The following SHLD2 variants were observed in gnomAD, a reference collection of about 807,000 sequenced individuals.
SHLD2 encodes the protein shieldin complex subunit 2, also known as RINN1-REV7-interacting novel NHEJ regulator 2.
Under a neutral mutation model 73.2 loss-of-function variants are expected in SHLD2, and 30 were observed. The ratio of observed to expected loss-of-function variants is 0.41; its 90% CI spans 0.31 to 0.56. SHLD2 has a LOEUF of 0.56. SHLD2 is among the 20% of genes least tolerant of loss of function. SHLD2 has a pLI of 0.28. For synonymous variants in SHLD2, 285 were observed against 370.1 expected, an observed-to-expected ratio of 0.77 and a Z score of 2.64; for missense variants, 745 against 1,055.9, an observed-to-expected ratio of 0.71 and a Z score of 4.08.
At position 87,120,851 on chromosome 10, in the gene SHLD2, C is replaced by T. The variant is rs1419308027; in HGVS notation, c.-6+23862C>T. Among the ~76,000 whole-genome samples, 4 of 151,896 alleles carry T rather than the reference C, an allele frequency of 2.6e-5. 1 individual carries two copies. Among genetic ancestry groups the T allele is most frequent in the East Asian group, 2.0e-4 (1 of 5,006 alleles). On this transcript the variant is annotated intron_variant, in intron 2 of 9. Coordinates refer to ENST00000298786, the MANE Select transcript of SHLD2 (RefSeq NM_001330112.2). ...GGCGGATCACCTGAGGTCAGGAGTTCGAGACCAGCCTCAATATGGAGAAAC... is the reference window on the plus strand; with the variant it reads ...GGCGGATCACCTGAGGTCAGGAGTTTGAGACCAGCCTCAATATGGAGAAAC...
rs560825234 is a variant in SHLD2 at position 87,102,993 on chromosome 10, C to T, written c.-6+6004C>T. On this transcript the variant is annotated intron_variant, in intron 2 of 9. Transcript: ENST00000298786. ...TTGGGAGGCTGAGGTGGGCGGATCA[C>T]GAGGTCAAGAGATCAAGACCATTCT... Among the ~76,000 whole-genome samples the T allele has an allele frequency of 3.3e-5, 5 of 152,018 alleles. No individual in the cohort carries two copies. In the East Asian group the frequency reaches 5.8e-4, roughly 18 times the overall value.
chr10:87,153,437 C>G (rs996087673), intron 3 of SHLD2, among the ~76,000 whole-genome samples: 2 of 152,094 alleles, frequency 1.3e-5, no homozygotes, highest in African/African-American at 4.8e-5. Context: ...ATGCTGTGCA[C>G]ATTGTATTTT....
intron 2 of SHLD2, among the ~76,000 whole-genome samples, chr10:87,136,156 T>G (rs900991181): frequency 2.6e-5 from 4 of 152,060 alleles, no homozygotes; most frequent in African/African-American, 9.7e-5. Flanking sequence ...GTTAAAATCT[T>G]ATTATTGCTT....
At chr10:87,153,757 T>C (rs1475752050) in intron 3 of SHLD2, among the ~76,000 whole-genome samples, 1 of 152,162 alleles carries the variant, frequency 6.6e-6, no homozygotes, top group Non-Finnish European at 1.5e-5. Context: ...TACTTTTCAG[T>C]TGAGGAAGCT....
chr10:87,154,186 T>A (rs1846214330), intron 3 of SHLD2: 1 of 151,442 alleles, frequency 6.6e-6, no homozygotes, highest in Admixed American at 6.6e-5. Context: ...GTTTCCAACC[T>A]GGACCAGTTC....
At chr10:87,101,572 TCTTAA>T (rs936622685) in intron 2 of SHLD2, among the ~76,000 whole-genome samples, 2 of 152,194 alleles carry the variant, frequency 1.3e-5, no homozygotes, top group Non-Finnish European at 2.9e-5. Context: ...AGAATGGTTT[TCTTAA>T]CTTCATTTTT....
intron 7 of SHLD2, among the ~76,000 whole-genome samples, chr10:87,177,852 C>G (rs1342431612): frequency 6.6e-6 from 1 of 152,200 alleles, no homozygotes; most frequent in Admixed American, 6.5e-5. Flanking sequence ...AGTCCACATT[C>G]AGCATGACCT....
intron 2 of SHLD2, among the ~76,000 whole-genome samples, chr10:87,117,680 A>G (rs1589459844): frequency 6.6e-6 from 1 of 152,196 alleles, no homozygotes; most frequent in East Asian, 1.9e-4. Context: ...CTGTAGTCCC[A>G]GCTACTTGAG....
intron 2 of SHLD2, among the ~76,000 whole-genome samples, chr10:87,147,082 A>AC (rs1238585207): frequency 2.0e-5 from 3 of 147,852 alleles, no homozygotes; most frequent in Admixed American, 6.8e-5. Flanking sequence ...GAAAAAAAAA[A>AC]AAAAAACAAA....
In SHLD2 at chr10:87,176,086, A is replaced by G. The variant is rs1006007619; in HGVS notation, c.2161A>G (p.Lys721Glu). ...ISDLATHLED[K>E]CSGVVLIKAQ... is the part of the protein sequence containing the mutation. ...AGACTTAGCAACCCACCTAGAGGAT[A>G]AGTGTTCAGGTAAGATCTTTATATA... The change falls in exon 7 of 10, where the codon AAG becomes GAG. Residue 721 changes from lysine to glutamate, a missense_variant. This residue lies in a region of SHLD2 where 418 missense variants were observed against 567.8 expected (regional missense o/e 0.74). Transcript: ENST00000298786. The G allele has an allele frequency of 1.1e-4, 170 of 1,548,210 alleles. No individual in the cohort carries two copies. The highest frequency in any genetic ancestry group is 1.4e-4 in the Non-Finnish European group (166 of 1,146,792).
chr10:87,108,543 G>T (rs959649710), intron 2 of SHLD2, among the ~76,000 whole-genome samples: 46 of 152,130 alleles, frequency 3.0e-4, no homozygotes, highest in African/African-American at 1.1e-3. Flanking sequence ...GGGCTGAAGT[G>T]ACTCTCCCAC....
intron 2 of SHLD2, among the ~76,000 whole-genome samples, chr10:87,117,955 C>G (rs1843355694): frequency 6.6e-6 from 1 of 152,186 alleles, no homozygotes; most frequent in South Asian, 2.1e-4. Context: ...AAACTGCAAA[C>G]TCTATCCCAT....
At position 87,152,282 on chromosome 10, in the gene SHLD2, C is replaced by G. The variant is rs1312102935; in HGVS notation, c.928C>G (p.Leu310Val). The G allele has an allele frequency of 6.6e-7, 1 of 1,522,532 alleles. No homozygotes were observed. Among genetic ancestry groups the G allele is most frequent in the Non-Finnish European group, 9.0e-7 (1 of 1,117,294 alleles). The allele number at this position is 1,522,532 out of a possible 1,614,324, so 94.3% of individuals were successfully genotyped here. A position where few individuals can be genotyped will look rare whatever the true frequency, so the allele number is the denominator to read the frequency against. ...AAGTGGACAAAACCAAGCATATTCC[C>G]TTGAACTTTTTAGTCCTGTTTGTCC... Reference protein sequence around the residue: ...YESGQNQAYSLELFSPVCPKT... With the variant: ...YESGQNQAYSVELFSPVCPKT... Residue 310 changes from leucine (L) to valine (V), a missense_variant, in exon 3 of 10, where the codon CTT (leucine) becomes GTT (valine). This residue lies in a region of SHLD2 where 26 missense variants were observed against 86.4 expected (regional missense o/e 0.30). Transcript: ENST00000298786.
intron 7 of SHLD2, among the ~76,000 whole-genome samples, chr10:87,178,114 T>TA (rs1369800682): frequency 6.6e-6 from 1 of 151,276 alleles, no homozygotes; most frequent in Non-Finnish European, 1.5e-5. Flanking sequence ...CGGGTGCCTG[T>TA]AGTCCCAGCT....
chr10:87,172,616 G>A (rs1208237754), intron 6 of SHLD2, among the ~76,000 whole-genome samples: 29 of 152,168 alleles, frequency 1.9e-4, no homozygotes, highest in Non-Finnish European at 3.5e-4. Flanking sequence ...GCTGAGGTGG[G>A]TGGATTGCTT....
intron 3 of SHLD2, among the ~76,000 whole-genome samples, chr10:87,154,996 G>A (rs1220672786): frequency 4.6e-5 from 7 of 152,170 alleles, no homozygotes; most frequent in South Asian, 4.2e-4. Flanking sequence ...GTGCAGGGGC[G>A]CGATGTCTGC....
At chr10:87,103,241 T>A (rs567946365) in intron 2 of SHLD2, among the ~76,000 whole-genome samples, 3 of 152,168 alleles carry the variant, frequency 2.0e-5, no homozygotes, top group Admixed American at 1.3e-4. Context: ...AATAAATAAA[T>A]AAAAATCTTG....
intron 2 of SHLD2, among the ~76,000 whole-genome samples, chr10:87,141,059 C>T (rs1455667260): frequency 4.7e-5 from 7 of 149,968 alleles, no homozygotes; most frequent in East Asian, 4.0e-4. Flanking sequence ...GTAGGATGAT[C>T]GCTTGAGCCC....
intron 2 of SHLD2, among the ~76,000 whole-genome samples, chr10:87,105,865 G>A (rs1173479486): frequency 3.9e-5 from 6 of 152,248 alleles, no homozygotes; most frequent in Non-Finnish European, 8.8e-5. Context: ...GACCCCAGTA[G>A]CTAGGATTGG....
Sources: gnomAD v4.1 joint callset for allele counts (sites outside exome capture counted in the v4.1 genomes callset) on GRCh38, gnomAD v4.1.1 for gene constraint, gnomAD v4.1.1 regional missense constraint, MANE v1.5 for transcripts, NCBI Gene and HGNC (gene_info 2026-07-23, HGNC 2026-07-21) for gene names.